Variants in KCNN2 observed in about 807,000 individuals in gnomAD.
The protein encoded by KCNN2 is small conductance calcium-activated potassium channel protein 2.
KCNN2 carries 24 observed loss-of-function variants against 55.5 expected under a neutral mutation model. That is an observed-to-expected ratio of 0.43 (90% CI 0.31 to 0.61). The LOEUF (loss-of-function observed/expected upper bound fraction) is 0.61, where lower values mean the gene tolerates loss of function less well. Ranked by LOEUF, KCNN2 falls within the 20% of genes least tolerant of loss-of-function variation. The pLI is 0.08. For synonymous variants in KCNN2, 431 were observed against 336.1 expected, an observed-to-expected ratio of 1.28 and a Z score of -3.09; for missense variants, 754 against 853.6, an observed-to-expected ratio of 0.88 and a Z score of 1.45.
At chr5:114,213,619 AT>A (rs946719520) in intron 1 of KCNN2, among the ~76,000 whole-genome samples, 1 of 151,610 alleles carries the variant, frequency 6.6e-6, no homozygotes, top group Non-Finnish European at 1.5e-5. Context: ...TATTGAAAGC[AT>A]TTTTTTTCTT....
intron 5 of KCNN2, among the ~76,000 whole-genome samples, chr5:114,475,980 A>T (rs1250268275): frequency 6.6e-6 from 1 of 151,998 alleles, no homozygotes; most frequent in East Asian, 1.9e-4. Flanking sequence ...CTGGTTTCAA[A>T]TTTTACATTT....
At chr5:114,345,834 G>A (rs1454510764) in intron 2 of KCNN2, among the ~76,000 whole-genome samples, 2 of 152,084 alleles carry the variant, frequency 1.3e-5, no homozygotes. Context: ...AGGCTGGACT[G>A]CAGTGGCACA....
chr5:114,243,637 C>G (rs757081882), intron 2 of KCNN2, among the ~76,000 whole-genome samples: 3 of 152,090 alleles, frequency 2.0e-5, no homozygotes, highest in Non-Finnish European at 2.9e-5. Context: ...TGTTATCATT[C>G]TTGTATTTCG....
chr5:114,358,636 CCCT>C (rs1327170323), upstream of KCNN2, among the ~76,000 whole-genome samples: 11 of 144,906 alleles, frequency 7.6e-5, no homozygotes, highest in Non-Finnish European at 1.1e-4. Flanking sequence ...GAAGTCATAG[CCCT>C]TGATCTGCGT....
chr5:114,318,663 AC>A, intron 2 of KCNN2, among the ~76,000 whole-genome samples: 1 of 151,936 alleles, frequency 6.6e-6, no homozygotes, highest in East Asian at 1.9e-4. Context: ...ATTATTGTTC[AC>A]AGGCTGGCAG....
At chr5:114,458,941 G>A (rs528768349) in intron 3 of KCNN2, among the ~76,000 whole-genome samples, 3 of 152,298 alleles carry the variant, frequency 2.0e-5, no homozygotes, top group South Asian at 4.2e-4. Flanking sequence ...ATTAGTGTGC[G>A]GGTGCTGAGG....
At chr5:114,173,268 T>A (rs1346356141) in intron 1 of KCNN2, among the ~76,000 whole-genome samples, 3 of 152,080 alleles carry the variant, frequency 2.0e-5, no homozygotes, top group African/African-American at 7.2e-5. Context: ...CAGGGTTCTC[T>A]ATTCGGTTCC....
chr5:114,067,073 A>G (rs949604115), intron 1 of KCNN2, among the ~76,000 whole-genome samples: 1 of 152,220 alleles, frequency 6.6e-6, no homozygotes, highest in Non-Finnish European at 1.5e-5. Flanking sequence ...TAGGTAAACC[A>G]CAGGGAAAAC....
At chr5:114,160,125 T>C (rs975222866) in intron 1 of KCNN2, among the ~76,000 whole-genome samples, 1 of 152,232 alleles carries the variant, frequency 6.6e-6, no homozygotes, top group Non-Finnish European at 1.5e-5. Flanking sequence ...TTTCCTGCTT[T>C]CTCTCGTGGG....
At chr5:114,347,618 G>A (rs1757134614) in intron 2 of KCNN2, among the ~76,000 whole-genome samples, 1 of 152,144 alleles carries the variant, frequency 6.6e-6, no homozygotes, top group Non-Finnish European at 1.5e-5. Context: ...TGGGAACAAA[G>A]TGTTTTGTTT....
In KCNN2 at chr5:114,362,439, G is replaced by A. The variant is rs371232510; in HGVS notation, c.300G>A (p.Arg100=). The A allele has an allele frequency of 6.9e-3, 2,530 of 368,856 alleles. 57 individuals are homozygous for A. The highest frequency in any genetic ancestry group is 0.05 in the African/African-American group (2,333 of 46,860). 22.8% of individuals were successfully genotyped at this position (368,856 alleles called of 1,614,324 possible). A position where few individuals can be genotyped will look rare whatever the true frequency, so the allele number is the denominator to read the frequency against. Residue 100 remains arginine, a synonymous_variant, in exon 1 of 8, where the codon CGG becomes CGA. Coordinates refer to ENST00000673685, the MANE Select transcript of KCNN2 (RefSeq NM_021614.4). ...LRTSSPGGAF[R]TRTSSPLSGS... ...CCTCCTCGCCCGGCGGCGCCTTCCGGACCCGCACCTCCTCGCCGCTGTCGG... is the reference window on the plus strand; with the variant it reads ...CCTCCTCGCCCGGCGGCGCCTTCCGAACCCGCACCTCCTCGCCGCTGTCGG...
chr5:114,189,859 T>C (rs1470619075), intron 1 of KCNN2, among the ~76,000 whole-genome samples: 2 of 152,080 alleles, frequency 1.3e-5, no homozygotes, highest in African/African-American at 2.4e-5. Context: ...GATAAAGTGG[T>C]GTTGGGACAA....
rs547432378 is a variant in KCNN2 at position 114,364,601 on chromosome 5, C to T, written c.1218+600C>T. On this transcript the variant is annotated intron_variant, in intron 2 of 7. Coordinates refer to ENST00000673685, the MANE Select transcript of KCNN2 (RefSeq NM_021614.4). ...AAATGTAATTTAAGAGTTAAGGCCA[C>T]TGTCCTTGTGAGTTCTTTTTTTTTT... Among the ~76,000 whole-genome samples the T allele has an allele frequency of 3.8e-4, 57 of 150,470 alleles. 1 individual carries two copies. The South Asian group carries it at 9.2e-3, about 24-fold the overall frequency.
chr5:114,090,122 T>C (rs1751105250), intron 1 of KCNN2, among the ~76,000 whole-genome samples: 1 of 152,198 alleles, frequency 6.6e-6, no homozygotes, highest in Admixed American at 6.5e-5. Flanking sequence ...GATATCTTTT[T>C]ATATATTTAG....
intron 2 of KCNN2, among the ~76,000 whole-genome samples, chr5:114,241,814 A>T (rs1473646854): frequency 3.2e-5 from 1 of 31,620 alleles, no homozygotes; most frequent in Non-Finnish European, 8.0e-5. Context: ...ACGTATATAT[A>T]TATATGTGTG....
rs554371467 is a variant in KCNN2 at position 114,371,362 on chromosome 5, G to T, written c.1218+7361G>T. Among the ~76,000 whole-genome samples the T allele has an allele frequency of 4.6e-5, 7 of 152,200 alleles. No homozygotes were observed. The South Asian group carries it at 1.2e-3, about 27-fold the overall frequency. On this transcript the variant is annotated intron_variant, in intron 2 of 7. Transcript: ENST00000673685. Reference sequence around the variant, plus strand: ...TGAGAGAGAATAGAAAAATGAGAAGGTTGAGAGTTGATCATTCTCTGACAT... The same window carrying T: ...TGAGAGAGAATAGAAAAATGAGAAGTTTGAGAGTTGATCATTCTCTGACAT...
intron 1 of KCNN2, among the ~76,000 whole-genome samples, chr5:114,217,586 G>T (rs1006805977): frequency 1.3e-5 from 2 of 152,072 alleles, no homozygotes; most frequent in African/African-American, 4.8e-5. Flanking sequence ...ACTTTATATG[G>T]TTTACCTAAA....
intron 1 of KCNN2, among the ~76,000 whole-genome samples, chr5:114,197,868 C>A (rs1753591164): frequency 6.6e-6 from 1 of 152,250 alleles, no homozygotes; most frequent in Middle Eastern, 3.4e-3. Flanking sequence ...GCCACAGATT[C>A]TTACTTTTCT....
chr5:114,293,385 A>C (rs2150018895), intron 2 of KCNN2, among the ~76,000 whole-genome samples: 1 of 152,256 alleles, frequency 6.6e-6, no homozygotes, highest in South Asian at 2.1e-4. Flanking sequence ...TAATTTATTG[A>C]GAGTTTTTAG....
Sources: allele counts gnomAD v4.1 joint callset (sites outside exome capture counted in the v4.1 genomes callset), GRCh38; gene constraint gnomAD v4.1.1; transcripts MANE v1.5; gene names NCBI Gene and HGNC (gene_info 2026-07-23, HGNC 2026-07-21).